The following LUZP2 variants were observed in gnomAD, a reference collection of about 807,000 sequenced individuals.
LUZP2 encodes leucine zipper protein 2.
Under a neutral mutation model 51.6 loss-of-function variants are expected in LUZP2, and 52 were observed. That is an observed-to-expected ratio of 1.01 (90% CI 0.81 to 1.27). LUZP2 has a LOEUF of 1.27. Ranked by LOEUF, LUZP2 falls within the 50% of genes most tolerant of loss-of-function variation. LUZP2 has a pLI of 0.00. For missense variants in LUZP2, 436 were observed against 395.4 expected, an observed-to-expected ratio of 1.10 and a Z score of -0.87; for synonymous variants, 154 against 137.3, an observed-to-expected ratio of 1.12 and a Z score of -0.85.
chr11:24,625,493 TA>T (rs1854645288), intron 1 of LUZP2, among the ~76,000 whole-genome samples: 1 of 152,102 alleles, frequency 6.6e-6, no homozygotes. Context: ...TGTATACATA[TA>T]AAAATCAATT....
chr11:25,073,129 T>G (rs1859202814), intron 10 of LUZP2, among the ~76,000 whole-genome samples: 2 of 152,102 alleles, frequency 1.3e-5, no homozygotes, highest in Admixed American at 1.3e-4. Flanking sequence ...ATTAATTAAA[T>G]TGTGACAGGT....
At chr11:24,960,401 GCTATTGATTATTGC>G (rs1396749276) in intron 7 of LUZP2, among the ~76,000 whole-genome samples, 3 of 152,120 alleles carry the variant, frequency 2.0e-5, no homozygotes, top group Non-Finnish European at 4.4e-5. Context: ...TGGTTGGTAA[GCTATTGATTATTGC>G]CTCAATTTCA....
At chr11:24,568,483 A>G (rs1852322180) in intron 1 of LUZP2, among the ~76,000 whole-genome samples, 1 of 152,044 alleles carries the variant, frequency 6.6e-6, no homozygotes, top group Admixed American at 6.6e-5. Context: ...TATTAGGCAG[A>G]TATAACAATG....
chr11:24,808,543 TA>T (rs1226312626), intron 5 of LUZP2, among the ~76,000 whole-genome samples: 1 of 152,200 alleles, frequency 6.6e-6, no homozygotes, highest in Admixed American at 6.5e-5. Context: ...ATAGATAAAC[TA>T]TAAGAATCAA....
chr11:24,552,451 T>G (rs1228092028), intron 1 of LUZP2, among the ~76,000 whole-genome samples: 1 of 151,998 alleles, frequency 6.6e-6, no homozygotes, highest in Non-Finnish European at 1.5e-5. Flanking sequence ...TTTATATAGT[T>G]TTAGAAGATA....
chr11:24,563,134 A>G (rs11028021), intron 1 of LUZP2, among the ~76,000 whole-genome samples: 63,567 of 152,042 alleles, frequency 0.42, 13,819 homozygotes, highest in African/African-American at 0.52. Context: ...CCCATTCAGA[A>G]GACAAGGCAT....
At chr11:24,963,065 T>C (rs949115405) in intron 7 of LUZP2, among the ~76,000 whole-genome samples, 13 of 152,300 alleles carry the variant, frequency 8.5e-5, no homozygotes, top group Admixed American at 7.8e-4. Context: ...CAGCGGTGTT[T>C]GCAGAACAGC....
intron 1 of LUZP2, among the ~76,000 whole-genome samples, chr11:24,510,663 C>T (rs529841065): frequency 4.1e-4 from 62 of 152,070 alleles, no homozygotes; most frequent in African/African-American, 5.8e-4. Context: ...AATATATATA[C>T]GTATACCACA....
At chr11:25,031,289 C>T (rs1417303198) in intron 9 of LUZP2, among the ~76,000 whole-genome samples, 1 of 151,524 alleles carries the variant, frequency 6.6e-6, no homozygotes, top group South Asian at 2.1e-4. Context: ...GTATTACAGG[C>T]GTGAGCCACC....
chr11:24,886,047 C>A (rs1020008065), intron 5 of LUZP2, among the ~76,000 whole-genome samples: 71 of 152,140 alleles, frequency 4.7e-4, no homozygotes, highest in African/African-American at 1.5e-3. Context: ...CTGGTGGTGG[C>A]TTTAGTTAAT....
At chr11:24,598,800 A>G (rs564096041) in intron 1 of LUZP2, among the ~76,000 whole-genome samples, 1 of 152,316 alleles carries the variant, frequency 6.6e-6, no homozygotes, top group Non-Finnish European at 1.5e-5. Flanking sequence ...TGTTGACAGC[A>G]CAATGGGATG....
intron 1 of LUZP2, among the ~76,000 whole-genome samples, chr11:24,721,732 A>G (rs952677345): frequency 3.9e-5 from 6 of 152,202 alleles, no homozygotes; most frequent in African/African-American, 9.6e-5. Flanking sequence ...TAAAATGTCA[A>G]TATAGTCACC....
At chr11:24,740,091 A>G (rs1395532848) in intron 4 of LUZP2, among the ~76,000 whole-genome samples, 3 of 152,288 alleles carry the variant, frequency 2.0e-5, no homozygotes, top group African/African-American at 7.2e-5. Flanking sequence ...GCCTAATGAC[A>G]AACAATGGTA....
chr11:24,509,379 C>T (rs907424870), intron 1 of LUZP2, among the ~76,000 whole-genome samples: 3 of 151,426 alleles, frequency 2.0e-5, no homozygotes, highest in African/African-American at 7.3e-5. Context: ...TAGACTGATA[C>T]ACTTGCCTCG....
chr11:24,712,320 C>G (rs1414193132), intron 1 of LUZP2, among the ~76,000 whole-genome samples: 3 of 151,928 alleles, frequency 2.0e-5, no homozygotes, highest in Non-Finnish European at 4.4e-5. Flanking sequence ...ACTCAGTAGG[C>G]TAAGGCATGA....
intron 1 of LUZP2, among the ~76,000 whole-genome samples, chr11:24,623,837 A>AC (rs1173655992): frequency 6.6e-6 from 1 of 152,166 alleles, no homozygotes; most frequent in Non-Finnish European, 1.5e-5. Flanking sequence ...ACAGAGTGAG[A>AC]CCCCATATCA....
chr11:24,695,083 A>G (rs112350326), intron 1 of LUZP2, among the ~76,000 whole-genome samples: 1 of 152,030 alleles, frequency 6.6e-6, no homozygotes, highest in African/African-American at 2.4e-5. Context: ...TCCCAAAATT[A>G]AAAAAAGAAG....
intron 7 of LUZP2, among the ~76,000 whole-genome samples, chr11:24,925,051 A>AT (rs535052968): frequency 3.7e-4 from 57 of 152,210 alleles, no homozygotes; most frequent in African/African-American, 9.6e-4. Flanking sequence ...CAGAATATAG[A>AT]TTTTTTCCCA....
chr11:24,662,185 A>G (rs979732890), intron 1 of LUZP2, among the ~76,000 whole-genome samples: 1 of 152,210 alleles, frequency 6.6e-6, no homozygotes, highest in Non-Finnish European at 1.5e-5. Context: ...TTAAACAAGG[A>G]GTTAGTAAGC....
Sources: allele counts gnomAD v4.1 joint callset (sites outside exome capture counted in the v4.1 genomes callset), GRCh38; gene constraint gnomAD v4.1.1; transcripts MANE v1.5; gene names NCBI Gene and HGNC (gene_info 2026-07-23, HGNC 2026-07-21).